The following CNTN5 variants were observed in gnomAD, a reference collection of about 807,000 sequenced individuals.
CNTN5 encodes contactin 5.
In CNTN5, 77 loss-of-function variants were observed where a neutral mutation model predicts 129.1. The ratio of observed to expected loss-of-function variants is 0.60; its 90% CI spans 0.50 to 0.72. The LOEUF (loss-of-function observed/expected upper bound fraction) is 0.72. CNTN5 is among the 30% of genes least tolerant of loss of function. The pLI, the probability that CNTN5 is intolerant of heterozygous loss-of-function variation, is 0.00. For missense variants in CNTN5, 1,478 were observed against 1,328.8 expected (o/e 1.11, Z -1.75); for synonymous variants, 509 against 465.6 (o/e 1.09, Z -1.20).
At chr11:99,888,397 T>C (rs994042829) in intron 6 of CNTN5, among the ~76,000 whole-genome samples, 1 of 152,144 alleles carries the variant, frequency 6.6e-6, no homozygotes, top group South Asian at 2.1e-4. Flanking sequence ...AAAGTTGAAA[T>C]GTTGATACTA....
chr11:99,737,122 A>AC (rs1336721721), intron 3 of CNTN5, among the ~76,000 whole-genome samples: 1 of 151,298 alleles, frequency 6.6e-6, no homozygotes, highest in Non-Finnish European at 1.5e-5. Context: ...ACCACCCTGT[A>AC]ACACACATGC....
chr11:99,082,946 C>G (rs1258089085), intron 1 of CNTN5, among the ~76,000 whole-genome samples: 4 of 151,888 alleles, frequency 2.6e-5, no homozygotes, highest in African/African-American at 9.7e-5. Context: ...GTGGTTAATT[C>G]TAGATTTTAG....
rs202113279 is a variant in CNTN5 at position 100,308,366 on chromosome 11, T to C, written c.2628T>C (p.Ser876=). The C allele has an allele frequency of 3.7e-6, 6 of 1,610,640 alleles. No homozygotes were observed. Among genetic ancestry groups the C allele is most frequent in the Non-Finnish European group, 4.2e-6 (5 of 1,177,726 alleles). The change falls in exon 21 of 25, where the codon AGT becomes AGC. Residue 876 remains serine, a synonymous_variant. Coordinates refer to ENST00000524871, the MANE Select transcript of CNTN5 (RefSeq NM_014361.4). The stretch of plus-strand genomic sequence containing the variant: ...TTATTTTCCTTCATACAGAACCCAG[T>C]GCTGCTCCCACAGATGTCAAGGCGA... The part of the protein sequence containing the change: ...VVICSAEGEP[S]AAPTDVKATS...
chr11:99,738,595 G>A (rs1943785058), intron 3 of CNTN5, among the ~76,000 whole-genome samples: 2 of 144,146 alleles, frequency 1.4e-5, no homozygotes, highest in African/African-American at 5.2e-5. Context: ...CTATAAAAAT[G>A]ATACATTCAT....
In CNTN5 at chr11:100,191,267, G is replaced by A; in HGVS notation, c.1708+14G>A. On this transcript the variant is annotated intron_variant, in intron 14 of 24. Transcript: ENST00000524871. The stretch of plus-strand genomic sequence containing the variant: ...TATCTGTAAAAGGTAAGACAGCACG[G>A]GTAAATGTTTTACAAGCATAGTCTC... 1 of 1,603,592 alleles carries A rather than the reference G, an allele frequency of 6.2e-7. No individual in the cohort carries two copies. Among genetic ancestry groups the A allele is most frequent in the Non-Finnish European group, 8.5e-7 (1 of 1,174,732 alleles).
At chr11:99,424,358 GCTGGAAACCT>G (rs1354789346) in intron 2 of CNTN5, among the ~76,000 whole-genome samples, 2 of 152,340 alleles carry the variant, frequency 1.3e-5, no homozygotes, top group African/African-American at 4.8e-5. Flanking sequence ...CGCTTTCCCA[GCTGGAAACCT>G]CTGTGGCTGG....
In CNTN5 at chr11:99,183,420, T is replaced by C. The variant is rs544627830; in HGVS notation, c.-209-141926T>C. 4.6e-5 allele frequency among the ~76,000 whole-genome samples: 7 copies of C among 152,270 alleles called. No individual in the cohort carries two copies. The East Asian group carries it at 1.4e-3, about 29-fold the overall frequency. ...TTTGCAGAGATCATTATAACTATTG[T>C]TGCTGCTGAGTCAGATGACTCTTTT... On this transcript the variant is annotated intron_variant, in intron 1 of 24. Transcript: ENST00000524871.
intron 13 of CNTN5, among the ~76,000 whole-genome samples, chr11:100,186,732 A>T (rs1300967076): frequency 6.6e-6 from 1 of 152,166 alleles, no homozygotes; most frequent in African/African-American, 2.4e-5. Context: ...TTCAAGTCAA[A>T]GACTGTCTGA....
At chr11:99,130,308 G>T (rs12575464) in intron 1 of CNTN5, among the ~76,000 whole-genome samples, 37,262 of 152,024 alleles carry the variant, frequency 0.25, 4,950 homozygotes, top group Middle Eastern at 0.3. Flanking sequence ...AACAGGAGTT[G>T]CAATCCTAGT....
intron 3 of CNTN5, among the ~76,000 whole-genome samples, chr11:99,706,928 C>T (rs182431306): frequency 9.8e-4 from 147 of 150,592 alleles, no homozygotes; most frequent in African/African-American, 3.2e-3. Context: ...AAAGTGTAAT[C>T]CTGTGCTATA....
intron 9 of CNTN5, among the ~76,000 whole-genome samples, chr11:100,057,892 G>T (rs1224615948): frequency 6.6e-6 from 1 of 152,002 alleles, no homozygotes; most frequent in Non-Finnish European, 1.5e-5. Flanking sequence ...GTGCCAGGCT[G>T]TTTAAATCTT....
intron 3 of CNTN5, among the ~76,000 whole-genome samples, chr11:99,747,876 G>T (rs1944106884): frequency 6.6e-6 from 1 of 152,082 alleles, no homozygotes; most frequent in South Asian, 2.1e-4. Context: ...TTATGTTAAG[G>T]TGCATTTCTT....
intron 8 of CNTN5, among the ~76,000 whole-genome samples, chr11:99,979,863 C>T (rs745967946): frequency 1.2e-3 from 179 of 152,240 alleles, no homozygotes; most frequent in Non-Finnish European, 1.7e-3. Context: ...ACTCTGAAGC[C>T]GGACTTCCTG....
intron 1 of CNTN5, among the ~76,000 whole-genome samples, chr11:99,056,400 A>G (rs763962929): frequency 1.3e-5 from 2 of 151,954 alleles, no homozygotes; most frequent in Non-Finnish European, 2.9e-5. Flanking sequence ...CCAAAAAACT[A>G]AGGGTGGGTC....
At chr11:100,109,246 C>T (rs1423252395) in intron 13 of CNTN5, among the ~76,000 whole-genome samples, 3 of 152,010 alleles carry the variant, frequency 2.0e-5, no homozygotes, top group Admixed American at 6.6e-5. Context: ...GCCAACATGG[C>T]GAAACCCTGT....
chr11:99,073,251 G>A (rs1431582109), intron 1 of CNTN5, among the ~76,000 whole-genome samples: 1 of 151,732 alleles, frequency 6.6e-6, no homozygotes, highest in Admixed American at 6.6e-5. Flanking sequence ...GGAGATGGTT[G>A]AGTCATAGAC....
intron 9 of CNTN5, among the ~76,000 whole-genome samples, chr11:100,031,487 C>G (rs1163956379): frequency 6.6e-6 from 1 of 152,150 alleles, no homozygotes; most frequent in Admixed American, 6.5e-5. Context: ...GGCGCCTGTC[C>G]ATACAGATAA....
chr11:99,895,733 G>T (rs1002504279), intron 6 of CNTN5, among the ~76,000 whole-genome samples: 7 of 152,124 alleles, frequency 4.6e-5, no homozygotes, highest in African/African-American at 7.2e-5. Flanking sequence ...ACTCCCTCGG[G>T]CTTCCAGAAC....
At chr11:99,583,492 C>T (rs573795229) in intron 3 of CNTN5, among the ~76,000 whole-genome samples, 77 of 152,196 alleles carry the variant, frequency 5.1e-4, no homozygotes, top group African/African-American at 1.5e-3. Context: ...GCTTCCCATC[C>T]GCTTTGTTTA....
Sources: allele counts gnomAD v4.1 joint callset (sites outside exome capture counted in the v4.1 genomes callset), GRCh38; gene constraint gnomAD v4.1.1; transcripts MANE v1.5; gene names NCBI Gene and HGNC (gene_info 2026-07-23, HGNC 2026-07-21).